The following KLF17 variants were observed in gnomAD, a reference collection of about 807,000 sequenced individuals.
The protein encoded by KLF17 is KLF transcription factor 17.
A neutral mutation model predicts 34.2 loss-of-function variants in KLF17; 31 were observed. That is an observed-to-expected ratio of 0.91 (90% CI 0.68 to 1.22). KLF17 has a LOEUF of 1.22. Among genes scored for constraint, KLF17 ranks in the 50% most tolerant of loss-of-function variants. The pLI is 0.00. For synonymous variants in KLF17, 179 were observed against 186.7 expected (o/e 0.96, Z 0.34); for missense variants, 478 against 505.2 (o/e 0.95, Z 0.52).
the KLF17 span, among the ~76,000 whole-genome samples, chr1:44,080,145 T>C: frequency 6.6e-6 from 1 of 151,844 alleles, no homozygotes; most frequent in Non-Finnish European, 1.5e-5. Context: ...GCCAGGCTGG[T>C]ATCAAATTCC....
chr1:44,062,928 C>T, the KLF17 span, among the ~76,000 whole-genome samples: 1 of 152,090 alleles, frequency 6.6e-6, no homozygotes, highest in Non-Finnish European at 1.5e-5. Flanking sequence ...TAGCAGAAGA[C>T]AAGTACGAGA....
chr1:44,116,484 C>T (rs2087880325), upstream of KLF17, among the ~76,000 whole-genome samples: 1 of 152,140 alleles, frequency 6.6e-6, no homozygotes, highest in South Asian at 2.1e-4. Flanking sequence ...CTATAACATG[C>T]CCTCCCTTAA....
chr1:44,130,801 C>G, intron 3 of KLF17, 45 bp downstream of exon 3: 1 of 1,600,370 alleles, frequency 6.2e-7, no homozygotes, highest in Non-Finnish European at 8.5e-7. Flanking sequence ...TCCTTTTTTC[C>G]TTTTTATTTT....
chr1:44,075,480 A>C, the KLF17 span, among the ~76,000 whole-genome samples: 1 of 152,212 alleles, frequency 6.6e-6, no homozygotes, highest in African/African-American at 2.4e-5. Flanking sequence ...CCAGGTATTC[A>C]AATATTATTA....
At chr1:44,058,022 G>A in the KLF17 span, among the ~76,000 whole-genome samples, 2 of 152,150 alleles carry the variant, frequency 1.3e-5, no homozygotes, top group South Asian at 2.1e-4. Context: ...AACAGAAAAC[G>A]CATTAGAAGT....
the KLF17 span, among the ~76,000 whole-genome samples, chr1:44,108,660 C>CTTTTTTTTTTT: frequency 2.7e-5 from 2 of 75,332 alleles, no homozygotes; most frequent in Non-Finnish European, 2.4e-5. Flanking sequence ...TTTGTTAGCT[C>CTTTTTTTTTTT]TTTTTTTTTT....
the KLF17 span, among the ~76,000 whole-genome samples, chr1:44,068,258 A>T: frequency 3.3e-5 from 5 of 152,220 alleles, no homozygotes; most frequent in Middle Eastern, 6.8e-3. Flanking sequence ...TCCTGACCTC[A>T]AGTGATATGC....
At chr1:44,100,077 A>AACACACACAC in the KLF17 span, among the ~76,000 whole-genome samples, 1 of 60,276 alleles carries the variant, frequency 1.7e-5, no homozygotes, top group Admixed American at 2.2e-4. Flanking sequence ...CTCTACTAAA[A>AACACACACAC]ATACACACAC....
the KLF17 span, among the ~76,000 whole-genome samples, chr1:44,091,934 A>AAAC: frequency 1.1e-4 from 15 of 139,234 alleles, no homozygotes; most frequent in Non-Finnish European, 1.4e-4. Context: ...AAAACCCAAA[A>AAAC]AACAACAACA....
At chr1:44,081,945 A>G in the KLF17 span, among the ~76,000 whole-genome samples, 1 of 152,206 alleles carries the variant, frequency 6.6e-6, no homozygotes, top group African/African-American at 2.4e-5. Context: ...TACATCATCT[A>G]GAATGTTATT....
At chr1:44,077,639 T>C in the KLF17 span, among the ~76,000 whole-genome samples, 1 of 152,190 alleles carries the variant, frequency 6.6e-6, no homozygotes, top group Non-Finnish European at 1.5e-5. Flanking sequence ...ATGCTGACTA[T>C]TGTTTGGGGC....
the KLF17 span, among the ~76,000 whole-genome samples, chr1:44,053,548 A>G: frequency 6.6e-6 from 1 of 152,112 alleles, no homozygotes; most frequent in Non-Finnish European, 1.5e-5. Context: ...CCTGGCCCAT[A>G]TCCCCTACTG....
chr1:44,118,773 C>T (rs1378852938), upstream of KLF17: 1 of 675,458 alleles, frequency 1.5e-6, no homozygotes, highest in Non-Finnish European at 2.4e-6. Flanking sequence ...GGGCCTGACC[C>T]CGCCCCTTGG....
At chr1:44,103,326 AGGACTCGGACACC>A in the KLF17 span, 258,495 of 729,648 alleles carry the variant, frequency 0.35, 46,568 homozygotes, top group Middle Eastern at 0.4. Context: ...AGGACGTCAA[AGGACTCGGACACC>A]GGACTCGGAC....
At chr1:44,079,325 C>G in the KLF17 span, among the ~76,000 whole-genome samples, 2 of 124,668 alleles carry the variant, frequency 1.6e-5, no homozygotes, top group Non-Finnish European at 3.5e-5. Flanking sequence ...TTTTTTGAGA[C>G]AGTCTTGCTC....
the KLF17 span, chr1:44,107,034 G>C: frequency 6.6e-6 from 1 of 152,238 alleles, no homozygotes; most frequent in African/African-American, 2.4e-5. Context: ...TCTCTTTCAG[G>C]ATGGGAGAGG....
chr1:44,100,925 C>A, the KLF17 span, among the ~76,000 whole-genome samples: 2 of 152,200 alleles, frequency 1.3e-5, no homozygotes, highest in African/African-American at 4.8e-5. Flanking sequence ...TGATATCTAA[C>A]ATTTTCATTG....
intron 1 of KLF17, chr1:44,122,255 C>T: frequency 1.9e-6 from 3 of 1,603,684 alleles, no homozygotes; most frequent in Non-Finnish European, 2.6e-6. Flanking sequence ...TAGATTTCAC[C>T]TTAGGTTCAA....
At chr1:44,126,206 A>C (rs886732261) in intron 1 of KLF17, among the ~76,000 whole-genome samples, 4 of 151,992 alleles carry the variant, frequency 2.6e-5, no homozygotes, top group African/African-American at 4.8e-5. Flanking sequence ...TTGTATTTTT[A>C]GTGGAGACAT....
Sources: gnomAD v4.1 joint callset for allele counts (sites outside exome capture counted in the v4.1 genomes callset) on GRCh38, gnomAD v4.1.1 for gene constraint, MANE v1.5 for transcripts, NCBI Gene and HGNC (gene_info 2026-07-23, HGNC 2026-07-21) for gene names.